Variants in GLIS2 observed in about 807,000 individuals in gnomAD.
GLIS2 encodes the protein GLIS family zinc finger 2, also known as zinc finger protein GLIS2.
GLIS2 carries 14 observed loss-of-function variants against 35.6 expected under a neutral mutation model. The observed-to-expected ratio is 0.39, with a 90% CI of 0.26 to 0.61. GLIS2 has a LOEUF of 0.61. Among genes scored for constraint, GLIS2 ranks in the 20% least tolerant of loss-of-function variants. GLIS2 has a pLI of 0.48. For synonymous variants in GLIS2, 368 were observed against 325.1 expected (o/e 1.13, Z -1.42); for missense variants, 675 against 713.4 (o/e 0.95, Z 0.61).
rs150904979 is a variant in GLIS2 at position 4,327,069 on chromosome 16, T to A, written c.-66-5146T>A. Among the ~76,000 whole-genome samples the A allele has an allele frequency of 2.7e-3, 408 of 151,868 alleles. 2 individuals carry two copies. The highest frequency in any genetic ancestry group is 8.4e-3 in the African/African-American group (347 of 41,200). On this transcript the variant is annotated intron_variant, in intron 1 of 6. Coordinates refer to ENST00000433375, the MANE Select transcript of GLIS2 (RefSeq NM_032575.3). ...CACCGTGCCCGGCCACCGGCTGATT[T>A]TTTTACTTCAAACGGGATTTTTCCA... is the stretch of plus-strand genomic sequence containing the variant.
At chr16:4,319,138 G>C (rs1174944516) in intron 1 of GLIS2, among the ~76,000 whole-genome samples, 1 of 152,156 alleles carries the variant, frequency 6.6e-6, no homozygotes, top group Non-Finnish European at 1.5e-5. Context: ...CCTGTGCTGG[G>C]TGGAATTGGG....
intron 1 of GLIS2, chr16:4,324,758 C>G (rs1202608718): frequency 6.6e-6 from 1 of 152,294 alleles, no homozygotes; most frequent in Non-Finnish European, 1.5e-5. Flanking sequence ...GGATGTGCAG[C>G]ACTGCATTGG....
chr16:4,316,203 C>A lies in GLIS2; in HGVS notation c.-118C>A, dbSNP rs1381710312. On this transcript the variant is annotated 5_prime_UTR_variant, in exon 1 of 7. Transcript: ENST00000433375. ...CCCTCCCCCGCTCGGCTCCCCGCGC[C>A]CCCCGACCGCCGGAGCCCGCAGCCC... Among the ~76,000 whole-genome samples, 8 of 145,542 alleles carry A rather than the reference C, an allele frequency of 5.5e-5. No homozygotes were observed. Among genetic ancestry groups the A allele is most frequent in the African/African-American group, 1.7e-4 (7 of 40,394 alleles).
At chr16:4,316,724 C>A (rs1199783956) in intron 1 of GLIS2, among the ~76,000 whole-genome samples, 1 of 152,140 alleles carries the variant, frequency 6.6e-6, no homozygotes, top group Non-Finnish European at 1.5e-5. Flanking sequence ...CCGGGAGAGT[C>A]TCCCTCCTGC....
intron 1 of GLIS2, among the ~76,000 whole-genome samples, chr16:4,327,583 C>T (rs1208024672): frequency 6.6e-6 from 1 of 152,206 alleles, no homozygotes; most frequent in East Asian, 1.9e-4. Flanking sequence ...CGGGTGGCTC[C>T]GCCAGCGCTG....
intron 1 of GLIS2, among the ~76,000 whole-genome samples, chr16:4,324,290 T>G (rs1020710329): frequency 6.6e-6 from 1 of 152,082 alleles, no homozygotes; most frequent in Non-Finnish European, 1.5e-5. Flanking sequence ...TGGGATCTGC[T>G]GGGCCAGGCC....
At chr16:4,319,495 C>T (rs147345310) in intron 1 of GLIS2, among the ~76,000 whole-genome samples, 2,998 of 152,256 alleles carry the variant, frequency 0.02, 60 homozygotes, top group Admixed American at 0.074. Flanking sequence ...TGGGGGTTCA[C>T]GTCTCTGGGA....
At chr16:4,327,802 C>T (rs1377500954) in intron 1 of GLIS2, among the ~76,000 whole-genome samples, 1 of 151,748 alleles carries the variant, frequency 6.6e-6, no homozygotes, top group Non-Finnish European at 1.5e-5. Context: ...GCCGCAGCCG[C>T]TTCCTCCCGC....
chr16:4,335,174 G>A lies in GLIS2; in HGVS notation c.637G>A (p.Gly213Ser). The A allele has an allele frequency of 6.2e-7, 1 of 1,613,530 alleles. No homozygotes were observed. Among genetic ancestry groups the A allele is most frequent in the Non-Finnish European group, 8.5e-7 (1 of 1,180,040 alleles). The change falls in exon 5 of 7, where the codon GGC becomes AGC. Residue 213 changes from glycine (G) to serine (S), a missense_variant. This residue lies in a region of GLIS2 where 133 missense variants were observed against 191.4 expected (regional missense o/e 0.69). Transcript: ENST00000433375. This position sits in a 1 kb window ranked among gnomAD's most constrained non-coding sequence, Gnocchi z 4.6. ...CCHWEGCARHGRGFNARYKML... is the reference protein window; with the variant it reads ...CCHWEGCARHSRGFNARYKML... ...CCACTGGGAGGGCTGCGCCCGCCAT[G>A]GCCGAGGTTTCAACGCCAGGTGAGG...
At chr16:4,323,870 T>C (rs1427982708) in intron 1 of GLIS2, among the ~76,000 whole-genome samples, 1 of 152,120 alleles carries the variant, frequency 6.6e-6, no homozygotes, top group Non-Finnish European at 1.5e-5. Flanking sequence ...ATGCCCTGAG[T>C]CCCAGGGACC....
At position 4,320,241 on chromosome 16, in the gene GLIS2, G is replaced by C. The variant is rs977835115; in HGVS notation, c.-67+3987G>C. Reference sequence around the variant, plus strand: ...CCTTCCTCCAGTCATGGCCAAGGGCGGGTGGGAAGCCAGCAGAGGCCCCAG... The same window carrying C: ...CCTTCCTCCAGTCATGGCCAAGGGCCGGTGGGAAGCCAGCAGAGGCCCCAG... On this transcript the variant is annotated intron_variant, in intron 1 of 6. Transcript: ENST00000433375. The surrounding 1 kb of genome is among the most constrained non-coding windows in gnomAD (Gnocchi z 5.6). Among the ~76,000 whole-genome samples the C allele has an allele frequency of 2.6e-5, 4 of 152,126 alleles. No homozygotes were observed. The highest frequency in any genetic ancestry group is 9.7e-5 in the African/African-American group (4 of 41,404).
chr16:4,336,798 C>T lies in GLIS2; in HGVS notation c.849C>T (p.His283=), dbSNP rs200829928. The T allele has an allele frequency of 4.8e-5, 78 of 1,611,960 alleles. No homozygotes were observed. The East Asian group carries it at 1.5e-3, about 32-fold the overall frequency. The change falls in exon 7 of 7, where the codon CAC becomes CAT. Residue 283 remains histidine, a synonymous_variant. Coordinates refer to ENST00000433375, the MANE Select transcript of GLIS2 (RefSeq NM_032575.3). ...CCAACTCCAGTGACCGCTTTAAGCACACGCGCACCCACTATGTGGACAAGC... is the reference window on the plus strand; with the variant it reads ...CCAACTCCAGTGACCGCTTTAAGCATACGCGCACCCACTATGTGGACAAGC... ...RYSNSSDRFK[H]TRTHYVDKPY...
rs1322365908 is a variant in GLIS2 at position 4,316,096 on chromosome 16, G to A, written c.-225G>A. On this transcript the variant is annotated 5_prime_UTR_variant, in exon 1 of 7. Coordinates refer to ENST00000433375, the MANE Select transcript of GLIS2 (RefSeq NM_032575.3). ...TCCCTGCCCGAGCTGCAGATGTGGC[G>A]GAGCGGCCGGGCGCCGGGCGGCCGT... is the stretch of plus-strand genomic sequence containing the variant. Among the ~76,000 whole-genome samples the A allele has an allele frequency of 7.0e-6, 1 of 143,618 alleles. No individual in the cohort carries two copies. Among genetic ancestry groups the A allele is most frequent in the Admixed American group, 6.8e-5 (1 of 14,686 alleles). 94.2% of individuals were successfully genotyped at this position (143,618 alleles called of 152,430 possible). A position where few individuals can be genotyped will look rare whatever the true frequency, so the allele number is the denominator to read the frequency against.
chr16:4,337,505 A>G lies in GLIS2; in HGVS notation c.1556A>G (p.Lys519Arg). 6.4e-7 allele frequency: 1 copy of G among 1,562,068 alleles called. No homozygotes were observed. The highest frequency in any genetic ancestry group is 8.6e-7 in the Non-Finnish European group (1 of 1,158,856). ...ATCCCGCCGGGCTCGGTGCTGCTCA[A>G]ACCGGCTGTGGTGAACTGAGCCCAT... ...VVIPPGSVLL[K>R]PAVVN The change falls in exon 7 of 7, where the codon AAA (lysine) becomes AGA (arginine). Residue 519 changes from lysine to arginine, a missense_variant. Around this residue, in one of 3 missense-constraint regions of GLIS2, gnomAD observed 317 missense variants for 283.2 expected, o/e 1.12. Coordinates refer to ENST00000433375, the MANE Select transcript of GLIS2 (RefSeq NM_032575.3).
intron 1 of GLIS2, among the ~76,000 whole-genome samples, chr16:4,325,074 T>C (rs2053416454): frequency 6.6e-6 from 1 of 152,192 alleles, no homozygotes; most frequent in African/African-American, 2.4e-5. Context: ...TGGGGCCGTT[T>C]GCTTTGGCAG....
At position 4,335,312 on chromosome 16, in the gene GLIS2, G is replaced by A. The variant is rs1479849723; in HGVS notation, c.694G>A (p.Glu232Lys). Reference sequence around the variant, plus strand: ...CATCCACATCCGCACACACACCAACGAGAAGCCACACCGCTGTCCGACCTG... The same window carrying A: ...CATCCACATCCGCACACACACCAACAAGAAGCCACACCGCTGTCCGACCTG... The part of the protein sequence containing the change: ...MLIHIRTHTN[E>K]KPHRCPTCSK... The change falls in exon 6 of 7, where the codon GAG becomes AAG. Residue 232 changes from glutamate (E) to lysine (K), a missense_variant. Glu to Lys is a moderately conservative substitution (Grantham distance 56, BLOSUM62 1). This residue lies in a region of GLIS2 where 133 missense variants were observed against 191.4 expected (regional missense o/e 0.69). Transcript: ENST00000433375. This position sits in a 1 kb window ranked among gnomAD's most constrained non-coding sequence, Gnocchi z 4.6. The A allele has an allele frequency of 6.2e-7, 1 of 1,613,780 alleles. No homozygotes were observed. Among genetic ancestry groups the A allele is most frequent in the Non-Finnish European group, 8.5e-7 (1 of 1,180,018 alleles).
At chr16:4,329,654 A>G (rs536359446) in intron 1 of GLIS2, among the ~76,000 whole-genome samples, 2 of 152,210 alleles carry the variant, frequency 1.3e-5, no homozygotes, top group African/African-American at 4.8e-5. Flanking sequence ...TGTGGACAGC[A>G]TCTCTCCCCA....
chr16:4,317,961 G>A (rs908436888), intron 1 of GLIS2, among the ~76,000 whole-genome samples: 1 of 152,168 alleles, frequency 6.6e-6, no homozygotes, highest in South Asian at 2.1e-4. Flanking sequence ...AATCCCTCCA[G>A]CTGGGGCTCT....
intron 1 of GLIS2, among the ~76,000 whole-genome samples, chr16:4,319,708 G>T (rs533045184): frequency 6.6e-6 from 1 of 152,148 alleles, no homozygotes; most frequent in African/African-American, 2.4e-5. Context: ...GGGGGCCAGC[G>T]TGGGGGCACT....
Sources: allele counts gnomAD v4.1 joint callset (sites outside exome capture counted in the v4.1 genomes callset), GRCh38; gene constraint gnomAD v4.1.1; regional missense constraint gnomAD v4.1.1; non-coding constraint Gnocchi (gnomAD v3.1); transcripts MANE v1.5; gene names NCBI Gene and HGNC (gene_info 2026-07-23, HGNC 2026-07-21).